The following SLC7A2 variants were observed in gnomAD, a reference collection of about 807,000 sequenced individuals.
SLC7A2 encodes solute carrier family 7 member 2, also known as cationic amino acid transporter 2.
SLC7A2 carries 48 observed loss-of-function variants against 58.9 expected under a neutral mutation model. The ratio of observed to expected loss-of-function variants is 0.82; its 90% CI spans 0.65 to 1.04. The LOEUF (loss-of-function observed/expected upper bound fraction) is 1.04. Among genes scored for constraint, SLC7A2 ranks in the 50% least tolerant of loss-of-function variants. The probability of loss-of-function intolerance (pLI) is 0.00; values close to 1 mark genes in which losing one functional copy is unlikely to be tolerated. For missense variants in SLC7A2, 1,029 were observed against 818.8 expected (o/e 1.26, Z -3.13); for synonymous variants, 363 against 314.5 (o/e 1.15, Z -1.63).
At chr8:17,519,197 A>G (rs1367316838) in intron 2 of SLC7A2, among the ~76,000 whole-genome samples, 1 of 152,192 alleles carries the variant, frequency 6.6e-6, no homozygotes, top group Non-Finnish European at 1.5e-5. Context: ...TCACCTATAA[A>G]CTAGAGATAA....
At position 17,543,309 on chromosome 8, in the gene SLC7A2, T is replaced by C; in HGVS notation, c.-22-9T>C. 2.5e-6 allele frequency: 4 copies of C among 1,590,422 alleles called. No homozygotes were observed. Among genetic ancestry groups the C allele is most frequent in the Non-Finnish European group, 3.4e-6 (4 of 1,169,020 alleles). The stretch of plus-strand genomic sequence containing the variant: ...CAGATCAGCTTCTAACCTCCTCCCT[T>C]CTGCTCAGGTCGCCTTCGTCAGACG... On this transcript the variant is annotated splice_polypyrimidine_tract_variant and intron_variant, in intron 2 of 12. Coordinates refer to ENST00000494857, the MANE Select transcript of SLC7A2 (RefSeq NM_001370338.1).
chr8:17,500,380 T>A (rs1483240000), intron 1 of SLC7A2: 1 of 152,214 alleles, frequency 6.6e-6, no homozygotes, highest in Non-Finnish European at 1.5e-5. Flanking sequence ...TAGCTCTTGT[T>A]TTAGAAGTGG....
At chr8:17,515,746 A>T (rs1563441269) in intron 2 of SLC7A2, among the ~76,000 whole-genome samples, 1 of 152,198 alleles carries the variant, frequency 6.6e-6, no homozygotes, top group Non-Finnish European at 1.5e-5. Context: ...CCACAAAATA[A>T]AAATCCTATC....
upstream of SLC7A2, among the ~76,000 whole-genome samples, chr8:17,494,980 A>G (rs1799921060): frequency 6.6e-6 from 1 of 152,236 alleles, no homozygotes; most frequent in Non-Finnish European, 1.5e-5. Context: ...TTCTGACAAA[A>G]TTGGCAGTTT....
chr8:17,521,695 G>A (rs867695852), intron 2 of SLC7A2, among the ~76,000 whole-genome samples: 4 of 152,336 alleles, frequency 2.6e-5, no homozygotes, highest in African/African-American at 9.6e-5. Flanking sequence ...AGCATGGGGT[G>A]CTGCGGTATG....
intron 4 of SLC7A2, 143 bp downstream of exon 4, chr8:17,544,749 G>A: frequency 4.4e-6 from 3 of 680,360 alleles, no homozygotes; most frequent in Admixed American, 3.1e-5. Flanking sequence ...ACATCTGTGG[G>A]GTTTATCACT....
upstream of SLC7A2, among the ~76,000 whole-genome samples, chr8:17,496,185 G>C (rs1799953261): frequency 6.6e-6 from 1 of 152,020 alleles, no homozygotes; most frequent in Non-Finnish European, 1.5e-5. Context: ...TCTCAGCCTG[G>C]TGGCTCAAGC....
chr8:17,546,041 G>T (rs1332125967), intron 4 of SLC7A2, among the ~76,000 whole-genome samples: 1 of 152,198 alleles, frequency 6.6e-6, no homozygotes, highest in Non-Finnish European at 1.5e-5. Context: ...TGAGTCTAAT[G>T]TCAAGAGAAG....
intron 1 of SLC7A2, among the ~76,000 whole-genome samples, chr8:17,501,507 A>G (rs1224904894): frequency 1.3e-5 from 2 of 151,872 alleles, no homozygotes; most frequent in African/African-American, 2.4e-5. Flanking sequence ...TTTTATTTAG[A>G]CTTTTAGTAT....
intron 2 of SLC7A2, among the ~76,000 whole-genome samples, chr8:17,539,953 G>A (rs965909603): frequency 2.6e-5 from 4 of 152,088 alleles, no homozygotes. Context: ...TTTTAAAAAT[G>A]TTAAAGTTAT....
Position 17,563,639 on chromosome 8 carries a change from T to C in SLC7A2, c.1708T>C (p.Leu570=), listed in dbSNP as rs1356598739. The C allele has an allele frequency of 6.2e-7, 1 of 1,613,514 alleles. No individual in the cohort carries two copies. The highest frequency in any genetic ancestry group is 1.1e-5 in the South Asian group (1 of 91,014). The change falls in exon 12 of 13, where the codon TTG becomes CTG. Residue 570 remains leucine (L), a synonymous_variant. Coordinates refer to ENST00000494857, the MANE Select transcript of SLC7A2 (RefSeq NM_001370338.1). The part of the protein sequence containing the change: ...FLPFLPAFSI[L]VNIYLMVQLS... The stretch of plus-strand genomic sequence containing the variant: ...ACCATTTTTGCCAGCGTTCAGCATC[T>C]TGGTGAACATTTACTTGATGGTCCA...
chr8:17,560,956 A>G (rs56296898), intron 10 of SLC7A2, among the ~76,000 whole-genome samples: 9,217 of 152,220 alleles, frequency 0.061, 413 homozygotes, highest in African/African-American at 0.12. Flanking sequence ...TTTATTGAAC[A>G]TTGCGTGTGT....
chr8:17,552,996 TA>T (rs1296319522), intron 7 of SLC7A2, among the ~76,000 whole-genome samples: 2 of 152,184 alleles, frequency 1.3e-5, no homozygotes, highest in Non-Finnish European at 2.9e-5. Context: ...ATTTTCTAGT[TA>T]AGACAATATT....
At chr8:17,525,276 A>G (rs1801178731) in intron 2 of SLC7A2, among the ~76,000 whole-genome samples, 1 of 152,180 alleles carries the variant, frequency 6.6e-6, no homozygotes, top group Admixed American at 6.5e-5. Context: ...AAAAGGGGAT[A>G]ACCGTGATCA....
intron 12 of SLC7A2, among the ~76,000 whole-genome samples, 190 bp downstream of exon 12, chr8:17,563,901 G>A (rs1803144088): frequency 6.6e-6 from 1 of 152,096 alleles, no homozygotes; most frequent in South Asian, 2.1e-4. Flanking sequence ...CACTAACCCT[G>A]TAGAACCATG....
At chr8:17,540,220 C>G (rs1801851744) in intron 2 of SLC7A2, among the ~76,000 whole-genome samples, 1 of 152,190 alleles carries the variant, frequency 6.6e-6, no homozygotes, top group Non-Finnish European at 1.5e-5. Flanking sequence ...TCTCCCATCT[C>G]ATTATAGTCC....
intron 1 of SLC7A2, chr8:17,499,376 C>G (rs769162515): frequency 2.0e-5 from 3 of 148,942 alleles, no homozygotes; most frequent in Non-Finnish European, 4.5e-5. Context: ...TCCCTCATTT[C>G]TCTCTCCCTC....
In SLC7A2 at chr8:17,547,785, AGTGTGTGTGTGT is replaced by A. The variant is rs35052068; in HGVS notation, c.533-866_533-855del. On this transcript the variant is annotated intron_variant, in intron 4 of 12. Coordinates refer to ENST00000494857, the MANE Select transcript of SLC7A2 (RefSeq NM_001370338.1). ...GATTATATATTTACTGGCACAAAAG[AGTGTGTGTGTGT>A]GTGTGTGTGTGTGTGTGTGTGTGTG... is the stretch of plus-strand genomic sequence containing the variant. Among the ~76,000 whole-genome samples the A allele has an allele frequency of 9.1e-3, 1,320 of 144,804 alleles. 21 individuals carry two copies. The highest frequency in any genetic ancestry group is 0.031 in the African/African-American group (1,217 of 39,672). 95.0% of individuals were successfully genotyped at this position (144,804 alleles called of 152,430 possible). A position where few individuals can be genotyped will look rare whatever the true frequency, so the allele number is the denominator to read the frequency against.
In SLC7A2 at chr8:17,544,431, C is replaced by A; in HGVS notation, c.377-20C>A. 6.2e-7 allele frequency: 1 copy of A among 1,608,884 alleles called. No individual in the cohort carries two copies. The highest frequency in any genetic ancestry group is 1.1e-5 in the South Asian group (1 of 90,042). ...AATTTGCCCCCAGTGACTTCGTATT[C>A]TCTGTTCTGTTTTGGGAAGGTACAT... On this transcript the variant is annotated intron_variant, in intron 3 of 12. Coordinates refer to ENST00000494857, the MANE Select transcript of SLC7A2 (RefSeq NM_001370338.1).
Sources: gnomAD v4.1 joint callset for allele counts (sites outside exome capture counted in the v4.1 genomes callset) on GRCh38, gnomAD v4.1.1 for gene constraint, MANE v1.5 for transcripts, NCBI Gene and HGNC (gene_info 2026-07-23, HGNC 2026-07-21) for gene names.